Variants in DMD observed in about 807,000 individuals in gnomAD.
DMD encodes mutant dystrophin.
A neutral mutation model predicts 330.1 loss-of-function variants in DMD; 63 were observed. The observed-to-expected ratio is 0.19, with a 90% CI of 0.16 to 0.24. DMD has a LOEUF of 0.24. DMD is among the 10% of genes least tolerant of loss of function. DMD has a pLI of 1.00. For synonymous variants in DMD, 1,223 were observed against 959.8 expected (o/e 1.27, Z -5.07); for missense variants, 3,344 against 2,684.1 (o/e 1.25, Z -5.43).
intron 20 of DMD, among the ~76,000 whole-genome samples, chrX:32,487,222 GTTC>G (rs2042571034): frequency 8.9e-6 from 1 of 111,800 alleles, no homozygotes; most frequent in South Asian, 3.7e-4. Flanking sequence ...ATGTTTTCAT[GTTC>G]TTGTTTCCAG....
intron 43 of DMD, among the ~76,000 whole-genome samples, chrX:32,286,981 C>T (rs912973502): frequency 9.0e-6 from 1 of 110,972 alleles, no homozygotes; most frequent in African/African-American, 3.3e-5. Flanking sequence ...CTGCCACCCC[C>T]CAATTAAGTC....
intron 1 of DMD, among the ~76,000 whole-genome samples, chrX:33,044,356 C>A (rs759208382): frequency 9.0e-6 from 1 of 111,009 alleles, no homozygotes; most frequent in African/African-American, 3.3e-5. Flanking sequence ...CACTTGAACC[C>A]GGGAGGAGGA....
chrX:33,213,245 T>C (rs1328423345), upstream of DMD, among the ~76,000 whole-genome samples: 2 of 111,654 alleles, frequency 1.8e-5, no homozygotes, highest in African/African-American at 6.5e-5. Context: ...TCCTGGGTAA[T>C]GTCTAAAGCA....
Position 31,507,422 on chromosome X carries a change from T to A in DMD, c.8249A>T (p.Asp2750Val). 8.3e-7 allele frequency: 1 copy of A among 1,209,680 alleles called. No homozygotes were observed. The highest frequency in any genetic ancestry group is 1.1e-6 in the Non-Finnish European group (1 of 894,097). The change falls in exon 56 of 79, where the codon GAT (aspartate) becomes GTT (valine). Residue 2750 changes from aspartate to valine, a missense_variant. Asp to Val is a radical substitution (Grantham distance 152, BLOSUM62 -3). Transcript: ENST00000357033. ...DLQGEIEAHT[D>V]VYHNLDENSQ... ...GTTTTCATCCAGGTTGTGATAAACA[T>A]CTGTGTGAGCTTCAATTTCACCTTG... is the stretch of plus-strand genomic sequence containing the variant.
chrX:32,576,750 G>GGGAA (rs1273099867), intron 13 of DMD, among the ~76,000 whole-genome samples: 10 of 106,150 alleles, frequency 9.4e-5, no homozygotes, highest in African/African-American at 3.1e-4. Context: ...GAGGGAGGGA[G>GGGAA]GGATTGCTGT....
intron 44 of DMD, among the ~76,000 whole-genome samples, chrX:31,971,308 C>T (rs1358458890): frequency 8.9e-6 from 1 of 112,043 alleles, no homozygotes; most frequent in Non-Finnish European, 1.9e-5. Context: ...GATCTTGGCA[C>T]TTTTGCTTCA....
At chrX:32,097,036 T>C (rs2096512076) in intron 44 of DMD, among the ~76,000 whole-genome samples, 1 of 111,825 alleles carries the variant, frequency 8.9e-6, no homozygotes, top group African/African-American at 3.2e-5. Context: ...AATAATCATT[T>C]AACCCCCATT....
At chrX:32,546,579 TA>T (rs954651993) in intron 16 of DMD, among the ~76,000 whole-genome samples, 17 of 111,632 alleles carry the variant, frequency 1.5e-4, no homozygotes, top group Admixed American at 7.7e-4. Context: ...ATGTCTTAAG[TA>T]AAAATTGCTT....
chrX:31,473,479 T>C (rs1229896101), intron 59 of DMD, among the ~76,000 whole-genome samples: 2 of 110,072 alleles, frequency 1.8e-5, no homozygotes, highest in Non-Finnish European at 3.8e-5. Flanking sequence ...CCCAGCACTT[T>C]GGGAGGCCAA....
chrX:32,615,168 G>A (rs377732123), intron 11 of DMD, among the ~76,000 whole-genome samples: 2 of 111,138 alleles, frequency 1.8e-5, no homozygotes, highest in Non-Finnish European at 3.8e-5. Flanking sequence ...TTATATTCTC[G>A]GTCTTCAGAT....
chrX:33,146,280 C>T (rs2048027577), intron 1 of DMD, among the ~76,000 whole-genome samples: 1 of 110,953 alleles, frequency 9.0e-6, no homozygotes, highest in South Asian at 3.8e-4. Flanking sequence ...CCTTTCTCCA[C>T]GTCCCCAGGC....
chrX:32,153,230 C>G (rs1357138125), intron 44 of DMD, among the ~76,000 whole-genome samples: 2 of 111,731 alleles, frequency 1.8e-5, no homozygotes. Context: ...TAAGTTTGTA[C>G]ACAGACAATA....
At position 31,885,376 on chromosome X, in the gene DMD, C is replaced by T. The variant is rs774310727; in HGVS notation, c.6913-10003G>A. Among the ~76,000 whole-genome samples, 173 of 110,284 alleles carry T rather than the reference C, an allele frequency of 1.6e-3. 1 individual carries two copies. Among genetic ancestry groups the T allele is most frequent in the African/African-American group, 5.3e-3 (160 of 30,412 alleles). ...TGTAATCCCAGCACTTTGGGGAGGC[C>T]GAGGCGGGCGGATCATAAGGTCAGG... On this transcript the variant is annotated intron_variant, in intron 47 of 78. Coordinates refer to ENST00000357033, the MANE Select transcript of DMD (RefSeq NM_004006.3).
In DMD at chrX:32,016,933, C is replaced by T. The variant is rs751789835; in HGVS notation, c.6439-48419G>A. 1.1e-4 allele frequency among the ~76,000 whole-genome samples: 12 copies of T among 112,428 alleles called. No individual in the cohort carries two copies. In the East Asian group the frequency reaches 2.2e-3, roughly 21 times the overall value. On this transcript the variant is annotated intron_variant, in intron 44 of 78. Transcript: ENST00000357033. ...TGGGATAAGAAGCTGTAAATACTAA[C>T]GTCGAGTGCAACAAATATGTCAACA... is the stretch of plus-strand genomic sequence containing the variant.
At chrX:31,651,317 T>C (rs961172774) in intron 54 of DMD, among the ~76,000 whole-genome samples, 6 of 111,035 alleles carry the variant, frequency 5.4e-5, no homozygotes. Flanking sequence ...AGGAGAAGAG[T>C]GTAAGATGGA....
chrX:31,506,892 T>A (rs1179517298), intron 56 of DMD, among the ~76,000 whole-genome samples: 2 of 112,266 alleles, frequency 1.8e-5, no homozygotes, highest in Admixed American at 1.9e-4. Flanking sequence ...AAGACTGTCC[T>A]CTGGTATGCA....
rs190395874 is a variant in DMD at position 32,191,206 on chromosome X, G to A, written c.6438+25710C>T. ...CACCCCCCACTTTAGCTTCTATCGAGAGACTGTGTACCTCTTGGAATTATT... is the reference window on the plus strand; with the variant it reads ...CACCCCCCACTTTAGCTTCTATCGAAAGACTGTGTACCTCTTGGAATTATT... On this transcript the variant is annotated intron_variant, in intron 44 of 78. Coordinates refer to ENST00000357033, the MANE Select transcript of DMD (RefSeq NM_004006.3). Among the ~76,000 whole-genome samples, 6 of 111,533 alleles carry A rather than the reference G, an allele frequency of 5.4e-5. No individual in the cohort carries two copies. The Admixed American group carries it at 5.8e-4, about 11-fold the overall frequency.
intron 74 of DMD, among the ~76,000 whole-genome samples, chrX:31,162,619 G>GA (rs1384739532): frequency 2.7e-5 from 3 of 109,703 alleles, no homozygotes; most frequent in Non-Finnish European, 3.8e-5. Context: ...GCTGTGTGCC[G>GA]AAAAAATGAA....
chrX:32,809,919 CAAAAAAAAAA>C (rs55898363), intron 6 of DMD, among the ~76,000 whole-genome samples: 10 of 28,655 alleles, frequency 3.5e-4, no homozygotes, highest in African/African-American at 9.4e-4. Context: ...TTGTTTCTAC[CAAAAAAAAAA>C]AAAAAAAAAA....
Sources: allele counts gnomAD v4.1 joint callset (sites outside exome capture counted in the v4.1 genomes callset), GRCh38; gene constraint gnomAD v4.1.1; transcripts MANE v1.5; gene names NCBI Gene and HGNC (gene_info 2026-07-23, HGNC 2026-07-21).